The following ERBB4 variants were observed in gnomAD, a reference collection of about 807,000 sequenced individuals.
The protein encoded by ERBB4 is receptor tyrosine-protein kinase erbB-4.
In ERBB4, 42 loss-of-function variants were observed where a neutral mutation model predicts 158.0. That is an observed-to-expected ratio of 0.27 (90% confidence interval 0.21 to 0.34). The LOEUF (loss-of-function observed/expected upper bound fraction) is 0.34, where lower values mean the gene tolerates loss of function less well. ERBB4 is among the 10% of genes least tolerant of loss of function. ERBB4 has a pLI of 1.00. For synonymous variants in ERBB4, 583 were observed against 558.7 expected, an observed-to-expected ratio of 1.04 and a Z score of -0.61; for missense variants, 1,333 against 1,624.1, an observed-to-expected ratio of 0.82 and a Z score of 3.08.
At chr2:211,689,138 TTA>T (rs1438933808) in intron 12 of ERBB4, among the ~76,000 whole-genome samples, 1 of 152,182 alleles carries the variant, frequency 6.6e-6, no homozygotes, top group East Asian at 1.9e-4. Flanking sequence ...TCTTTCTGAT[TTA>T]GTCATAATAC....
At chr2:212,114,614 T>A (rs1338308005) in intron 2 of ERBB4, among the ~76,000 whole-genome samples, 1 of 152,246 alleles carries the variant, frequency 6.6e-6, no homozygotes, top group Non-Finnish European at 1.5e-5. Context: ...CTTTCATGAA[T>A]GCTTCCCAAT....
At chr2:211,906,268 T>C (rs2079390244) in intron 3 of ERBB4, among the ~76,000 whole-genome samples, 1 of 151,996 alleles carries the variant, frequency 6.6e-6, no homozygotes, top group Non-Finnish European at 1.5e-5. Context: ...TTAATATAAA[T>C]GGAGTGGCAA....
chr2:211,682,050 TCACACA>T (rs60803024), intron 12 of ERBB4, among the ~76,000 whole-genome samples: 19,729 of 134,382 alleles, frequency 0.15, 1,769 homozygotes, highest in East Asian at 0.44. Flanking sequence ...TTTATACACA[TCACACA>T]CACACACACA....
At chr2:212,037,337 G>A (rs1272214735) in intron 2 of ERBB4, among the ~76,000 whole-genome samples, 2 of 152,144 alleles carry the variant, frequency 1.3e-5, no homozygotes, top group East Asian at 3.9e-4. Flanking sequence ...TGAGAGATGA[G>A]AATGAGTATA....
chr2:212,352,325 TAAA>T (rs5838322), intron 1 of ERBB4, among the ~76,000 whole-genome samples: 1 of 145,076 alleles, frequency 6.9e-6, no homozygotes, highest in Non-Finnish European at 1.5e-5. Context: ...AAATAAAAGT[TAAA>T]AAAAAAAAAA....
chr2:212,327,643 G>T (rs573994204), intron 1 of ERBB4, among the ~76,000 whole-genome samples: 1 of 151,386 alleles, frequency 6.6e-6, no homozygotes, highest in African/African-American at 2.4e-5. Flanking sequence ...TGGGGAAGAG[G>T]AAGTAACTGC....
chr2:211,450,833 A>C lies in ERBB4; in HGVS notation c.2488-19733T>G, dbSNP rs2064228041. On this transcript the variant is annotated intron_variant, in intron 20 of 27. Transcript: ENST00000342788. ...TATGACTACCTGACAACATATAGGCATGCTGTTACTTACCTGTTGTCTGTT... is the reference window on the plus strand; with the variant it reads ...TATGACTACCTGACAACATATAGGCCTGCTGTTACTTACCTGTTGTCTGTT... Among the ~76,000 whole-genome samples the C allele has an allele frequency of 4.6e-5, 7 of 152,280 alleles. 1 individual carries two copies. In the South Asian group the frequency reaches 1.5e-3, roughly 32 times the overall value.
intron 22 of ERBB4, among the ~76,000 whole-genome samples, chr2:211,427,823 C>T (rs916285314): frequency 7.0e-6 from 1 of 142,710 alleles, no homozygotes; most frequent in African/African-American, 2.5e-5. Context: ...TGTCCCTAAA[C>T]TAAAATTGGC....
intron 2 of ERBB4, among the ~76,000 whole-genome samples, chr2:212,042,695 C>T (rs541800946): frequency 1.7e-4 from 26 of 152,150 alleles, no homozygotes; most frequent in Non-Finnish European, 2.8e-4. Flanking sequence ...AACTGGATCT[C>T]GCTCCTTGGT....
intron 3 of ERBB4, among the ~76,000 whole-genome samples, chr2:211,875,006 C>T (rs188411484): frequency 1.5e-3 from 167 of 108,382 alleles, no homozygotes; most frequent in Middle Eastern, 0.01. Context: ...CTTGTATTGT[C>T]ATGCTTCAAA....
At chr2:211,613,722 C>T (rs1456215495) in intron 19 of ERBB4, among the ~76,000 whole-genome samples, 1 of 151,960 alleles carries the variant, frequency 6.6e-6, no homozygotes, top group African/African-American at 2.4e-5. Context: ...TGGGATATCT[C>T]ACCCCAGTTA....
intron 20 of ERBB4, among the ~76,000 whole-genome samples, chr2:211,509,454 A>T (rs2065835763): frequency 1.3e-5 from 2 of 152,156 alleles, no homozygotes; most frequent in South Asian, 4.1e-4. Context: ...CTCAAGATGG[A>T]TTAAAAATTT....
intron 1 of ERBB4, among the ~76,000 whole-genome samples, chr2:212,244,713 T>C (rs942021392): frequency 5.3e-5 from 8 of 152,174 alleles, no homozygotes; most frequent in Non-Finnish European, 5.9e-5. Flanking sequence ...AAATATCTTT[T>C]CAGATTTTAT....
chr2:212,167,926 C>T (rs1193457043), intron 1 of ERBB4, among the ~76,000 whole-genome samples: 1 of 151,992 alleles, frequency 6.6e-6, no homozygotes, highest in Non-Finnish European at 1.5e-5. Context: ...ACAACACACA[C>T]CAGGGCCTGT....
At chr2:212,025,438 G>T (rs192502202) in intron 2 of ERBB4, among the ~76,000 whole-genome samples, 3 of 151,886 alleles carry the variant, frequency 2.0e-5, no homozygotes, top group Admixed American at 2.0e-4. Context: ...AAGAGAAGTA[G>T]AAAGTCTTGT....
At chr2:212,009,180 C>G (rs965768560) in intron 2 of ERBB4, among the ~76,000 whole-genome samples, 3 of 152,008 alleles carry the variant, frequency 2.0e-5, no homozygotes, top group African/African-American at 4.8e-5. Context: ...ATATTTCTAC[C>G]TGGAACCCAT....
chr2:212,010,899 C>T (rs1006415555), intron 2 of ERBB4, among the ~76,000 whole-genome samples: 12 of 152,020 alleles, frequency 7.9e-5, no homozygotes, highest in Admixed American at 7.2e-4. Flanking sequence ...AAGATTTTAG[C>T]GATATCTCTC....
chr2:212,456,938 A>T (rs982334691), intron 1 of ERBB4, among the ~76,000 whole-genome samples: 1 of 151,840 alleles, frequency 6.6e-6, no homozygotes, highest in Non-Finnish European at 1.5e-5. Flanking sequence ...GTTCTATTAT[A>T]CTTAAGGTTT....
chr2:211,427,252 T>G (rs2063649654), intron 22 of ERBB4, among the ~76,000 whole-genome samples: 1 of 152,128 alleles, frequency 6.6e-6, no homozygotes, highest in South Asian at 2.1e-4. Flanking sequence ...GGTAAAACTT[T>G]TTTTTAAGCT....
Sources: gnomAD v4.1 joint callset for allele counts (sites outside exome capture counted in the v4.1 genomes callset) on GRCh38, gnomAD v4.1.1 for gene constraint, MANE v1.5 for transcripts, NCBI Gene and HGNC (gene_info 2026-07-23, HGNC 2026-07-21) for gene names.